The following RARB variants were observed in gnomAD, a reference collection of about 807,000 sequenced individuals.
RARB encodes retinoic acid receptor beta.
Under a neutral mutation model 51.9 loss-of-function variants are expected in RARB, and 17 were observed. The ratio of observed to expected loss-of-function variants is 0.33; its 90% CI spans 0.22 to 0.49. RARB has a LOEUF of 0.49. RARB is among the 20% of genes least tolerant of loss of function. RARB has a pLI of 0.99. For synonymous variants in RARB, 215 were observed against 195.4 expected, an observed-to-expected ratio of 1.10 and a Z score of -0.84; for missense variants, 369 against 550.8, an observed-to-expected ratio of 0.67 and a Z score of 3.30.
intron 3 of RARB, among the ~76,000 whole-genome samples, chr3:25,080,180 C>A (rs1178644867): frequency 6.6e-6 from 1 of 152,178 alleles, no homozygotes; most frequent in African/African-American, 2.4e-5. Context: ...AAAGTAGAAT[C>A]ATACATTTGA....
At chr3:25,011,135 T>C (rs540718183) in intron 2 of RARB, among the ~76,000 whole-genome samples, 1 of 152,228 alleles carries the variant, frequency 6.6e-6, no homozygotes, top group East Asian at 1.9e-4. Flanking sequence ...GCTAAGGTTG[T>C]GGAAGTGAAT....
chr3:25,498,910 C>T (rs1697167988), intron 2 of RARB, among the ~76,000 whole-genome samples: 1 of 152,030 alleles, frequency 6.6e-6, no homozygotes, highest in Non-Finnish European at 1.5e-5. Flanking sequence ...TAGATGACCA[C>T]TCTGCACAGA....
chr3:25,069,810 G>C (rs1276298776), intron 3 of RARB, among the ~76,000 whole-genome samples: 1 of 152,160 alleles, frequency 6.6e-6, no homozygotes, highest in African/African-American at 2.4e-5. Context: ...CAAATGTTGA[G>C]ACACAAAATG....
At chr3:25,572,765 A>G (rs1253248564) in intron 4 of RARB, among the ~76,000 whole-genome samples, 9 of 152,138 alleles carry the variant, frequency 5.9e-5, no homozygotes, top group Non-Finnish European at 1.3e-4. Context: ...GAGCGACTTT[A>G]TATGGCAATA....
chr3:25,033,485 C>T (rs1028444488), intron 2 of RARB, among the ~76,000 whole-genome samples: 1 of 152,126 alleles, frequency 6.6e-6, no homozygotes, highest in African/African-American at 2.4e-5. Flanking sequence ...TGGGACTGCA[C>T]AGGGAAGTGT....
intron 5 of RARB, among the ~76,000 whole-genome samples, chr3:25,182,199 G>A (rs1332001830): frequency 6.6e-6 from 1 of 152,126 alleles, no homozygotes; most frequent in African/African-American, 2.4e-5. Context: ...ATGAGTGAAT[G>A]AATGAATACA....
At chr3:24,942,056 T>A (rs1210696440) in intron 2 of RARB, among the ~76,000 whole-genome samples, 1 of 152,206 alleles carries the variant, frequency 6.6e-6, no homozygotes, top group Non-Finnish European at 1.5e-5. Context: ...TCTTAGATAT[T>A]TTTTGGTCCA....
rs572913842 is a variant in RARB at position 25,536,706 on chromosome 3, G to T, written c.449-33052G>T. Among the ~76,000 whole-genome samples, 7 of 152,340 alleles carry T rather than the reference G, an allele frequency of 4.6e-5. No homozygotes were observed. In the South Asian group the frequency reaches 1.2e-3, roughly 27 times the overall value. ...AAAAATAAAATGCAGATGTGTTGCT[G>T]TGTTGAGCAAATGCAGCTGGGCGTT... On this transcript the variant is annotated intron_variant, in intron 3 of 7. Coordinates refer to ENST00000330688, the MANE Select transcript of RARB (RefSeq NM_000965.5).
intron 5 of RARB, among the ~76,000 whole-genome samples, chr3:25,422,018 C>T (rs755658511): frequency 1.3e-5 from 2 of 152,134 alleles, no homozygotes; most frequent in Non-Finnish European, 2.9e-5. Context: ...ATGTGAAAGC[C>T]ACCAGTCATA....
chr3:25,010,239 A>C (rs1330826254), intron 2 of RARB, among the ~76,000 whole-genome samples: 1 of 152,102 alleles, frequency 6.6e-6, no homozygotes, highest in Non-Finnish European at 1.5e-5. Flanking sequence ...TCTTTCCTAC[A>C]GTGAGTCCAT....
At chr3:25,357,237 G>A (rs1705770627) in intron 5 of RARB, among the ~76,000 whole-genome samples, 1 of 152,158 alleles carries the variant, frequency 6.6e-6, no homozygotes, top group African/African-American at 2.4e-5. Context: ...TCTCATTGTG[G>A]TTTTGATTTG....
At chr3:25,501,763 G>A (rs1009523669) in intron 3 of RARB, among the ~76,000 whole-genome samples, 8 of 152,156 alleles carry the variant, frequency 5.3e-5, no homozygotes, top group African/African-American at 1.9e-4. Context: ...TGTATAACTT[G>A]TGGAAGAAAC....
At chr3:24,884,755 A>T (rs946131913) in intron 2 of RARB, among the ~76,000 whole-genome samples, 2 of 152,196 alleles carry the variant, frequency 1.3e-5, no homozygotes, top group African/African-American at 2.4e-5. Context: ...CCTCGATAAC[A>T]TCTAATTAAC....
chr3:25,490,380 C>T (rs1696670557), intron 2 of RARB, among the ~76,000 whole-genome samples: 1 of 152,200 alleles, frequency 6.6e-6, no homozygotes, highest in Non-Finnish European at 1.5e-5. Context: ...TTGAATTATG[C>T]AATATGCAGC....
intron 3 of RARB, among the ~76,000 whole-genome samples, chr3:25,547,627 T>G (rs1699667021): frequency 6.6e-6 from 1 of 152,192 alleles, no homozygotes; most frequent in Non-Finnish European, 1.5e-5. Flanking sequence ...TCACCCTGTG[T>G]AAGCTGAATA....
At chr3:25,018,737 C>A (rs1321714405) in intron 2 of RARB, among the ~76,000 whole-genome samples, 1 of 152,176 alleles carries the variant, frequency 6.6e-6, no homozygotes, top group Non-Finnish European at 1.5e-5. Flanking sequence ...ACCTGGGCAA[C>A]TATCCTTCTC....
At chr3:25,476,533 G>A (rs1370774257) in intron 2 of RARB, among the ~76,000 whole-genome samples, 1 of 152,106 alleles carries the variant, frequency 6.6e-6, no homozygotes, top group Admixed American at 6.5e-5. Context: ...AAAAAAAATT[G>A]TGTGGCACCC....
chr3:24,895,644 C>A (rs1334274053), intron 2 of RARB, among the ~76,000 whole-genome samples: 1 of 150,276 alleles, frequency 6.7e-6, no homozygotes, highest in East Asian at 2.0e-4. Flanking sequence ...GAAGGAGTCT[C>A]GCTCTTTCAC....
At chr3:24,987,941 C>T (rs1466934258) in intron 2 of RARB, among the ~76,000 whole-genome samples, 1 of 144,910 alleles carries the variant, frequency 6.9e-6, no homozygotes. Context: ...CTTCTTTCAA[C>T]ATCAATTTTA....
Sources: gnomAD v4.1 joint callset for allele counts (sites outside exome capture counted in the v4.1 genomes callset) on GRCh38, gnomAD v4.1.1 for gene constraint, MANE v1.5 for transcripts, NCBI Gene and HGNC (gene_info 2026-07-23, HGNC 2026-07-21) for gene names.